The following UVSSA variants were observed in gnomAD, a reference collection of about 807,000 sequenced individuals.
The protein encoded by UVSSA is UV-stimulated scaffold protein A.
A neutral mutation model predicts 73.9 loss-of-function variants in UVSSA; 72 were observed. The observed-to-expected ratio is 0.97, with a 90% confidence interval of 0.81 to 1.19. The LOEUF (loss-of-function observed/expected upper bound fraction) is 1.19, where lower values mean the gene tolerates loss of function less well. UVSSA is among the 50% of genes most tolerant of loss of function. The pLI, the probability that UVSSA is intolerant of heterozygous loss-of-function variation, is 0.00. For synonymous variants in UVSSA, 454 were observed against 391.3 expected (o/e 1.16, Z -1.89); for missense variants, 1,150 against 965.0 (o/e 1.19, Z -2.54).
At chr4:1,378,999 A>G (rs1455588659) in intron 10 of UVSSA, among the ~76,000 whole-genome samples, 2 of 151,486 alleles carry the variant, frequency 1.3e-5, no homozygotes, top group African/African-American at 4.8e-5. Context: ...GCCCCAGGGC[A>G]GGGCCTACTG....
In UVSSA at chr4:1,393,846, C is replaced by G. The variant is rs1720462530; in HGVS notation, c.*7885C>G. On this transcript the variant is annotated 3_prime_UTR_variant, in exon 14 of 14. Coordinates refer to the UVSSA transcript ENST00000511216. ...CCACGAGTTTATTGTTGTTCTGTTG[C>G]TGTTACCTTTTGTTTAGTGTGTGTT... The G allele has an allele frequency of 2.5e-5, 4 of 160,014 alleles. No homozygotes were observed. The South Asian group carries it at 6.7e-4, about 27-fold the overall frequency. 9.9% of individuals were successfully genotyped at this position (160,014 alleles called of 1,614,324 possible). A position where few individuals can be genotyped will look rare whatever the true frequency, so the allele number is the denominator to read the frequency against.
At chr4:1,390,311 T>G (rs1272849040), downstream of UVSSA, 1 of 152,220 alleles carries the variant, frequency 6.6e-6, no homozygotes, top group South Asian at 2.1e-4. Flanking sequence ...CTTTTCTTAT[T>G]TTTGAGAGAC....
At chr4:1,364,523 G>A (rs925464236) in intron 7 of UVSSA, among the ~76,000 whole-genome samples, 7 of 152,226 alleles carry the variant, frequency 4.6e-5, no homozygotes, top group African/African-American at 1.2e-4. Flanking sequence ...AGCTGCGATC[G>A]CAGGCGCCTT....
upstream of UVSSA, among the ~76,000 whole-genome samples, chr4:1,346,746 C>G (rs2109037168): frequency 6.6e-6 from 1 of 152,232 alleles, no homozygotes; most frequent in East Asian, 1.9e-4. Context: ...GGCTGCGAGC[C>G]CGCGGGCGGG....
At chr4:1,377,001 A>C (rs1263149627) in intron 10 of UVSSA, among the ~76,000 whole-genome samples, 1 of 152,180 alleles carries the variant, frequency 6.6e-6, no homozygotes, top group Non-Finnish European at 1.5e-5. Context: ...TGCCGTCCCC[A>C]CAGCACCCAT....
intron 10 of UVSSA, among the ~76,000 whole-genome samples, chr4:1,379,241 C>T (rs1271151132): frequency 6.6e-6 from 1 of 152,234 alleles, no homozygotes; most frequent in Non-Finnish European, 1.5e-5. Flanking sequence ...TCCTGCTGGC[C>T]CCAACTGTGG....
chr4:1,370,311 G>A (rs1414085020), intron 8 of UVSSA, among the ~76,000 whole-genome samples: 1 of 152,182 alleles, frequency 6.6e-6, no homozygotes, highest in Non-Finnish European at 1.5e-5. Context: ...TGTGTCATGT[G>A]TATTGCCGGA....
chr4:1,385,882 G>T lies in UVSSA; in HGVS notation c.2051G>T (p.Arg684Met). 2 of 1,614,106 alleles carry T rather than the reference G, an allele frequency of 1.2e-6. No individual in the cohort carries two copies. The highest frequency in any genetic ancestry group is 2.2e-5 in the South Asian group (2 of 91,086). Reference sequence around the variant, plus strand: ...TTTCCCCACAGGGCAGCTGTGCGGAGGGTAGTGGCAGCCATGAACCGGATG... The same window carrying T: ...TTTCCCCACAGGGCAGCTGTGCGGATGGTAGTGGCAGCCATGAACCGGATG... ...RKVFAKAAVRRVVAAMNRMDQ... is the reference protein window; with the variant it reads ...RKVFAKAAVRMVVAAMNRMDQ... The change falls in exon 14 of 14, where the codon AGG becomes ATG. Residue 684 changes from arginine to methionine, a missense_variant. Transcript: ENST00000389851.
intron 13 of UVSSA, chr4:1,384,455 TGGGCCTGTGTGACTGGTGAGGACTTGGCA>T (rs1174460295): frequency 6.4e-6 from 1 of 156,984 alleles, no homozygotes; most frequent in East Asian, 1.9e-4. Context: ...CAGCCCAGCA[TGGGCCTGTGTGACTGGTGAGGACTTGGCA>T]GGGCCAGAGT....
intron 7 of UVSSA, among the ~76,000 whole-genome samples, chr4:1,355,852 C>G (rs1009322810): frequency 1.3e-5 from 2 of 152,082 alleles, no homozygotes; most frequent in Non-Finnish European, 2.9e-5. Flanking sequence ...GAGCAGAGAC[C>G]GTCGCATTGG....
Position 1,376,042 on chromosome 4 carries a change from G to C in UVSSA, c.1442G>C (p.Arg481Thr). The change falls in exon 10 of 14, where the codon AGA (arginine) becomes ACA (threonine). Residue 481 changes from arginine (R) to threonine (T), a missense_variant. Transcript: ENST00000389851. ...LPPPSSASPS[R>T]ALPEPQEAQK... ...CCACTCTGCTCCTGTAGCCCCTCCAGAGCGTTGCCAGAGCCACAGGAGGCC... is the reference window on the plus strand; with the variant it reads ...CCACTCTGCTCCTGTAGCCCCTCCACAGCGTTGCCAGAGCCACAGGAGGCC... 1.9e-6 allele frequency: 3 copies of C among 1,596,384 alleles called. No individual in the cohort carries two copies. The highest frequency in any genetic ancestry group is 2.6e-6 in the Non-Finnish European group (3 of 1,172,614).
In UVSSA at chr4:1,380,064, G is replaced by A. The variant is rs374567722; in HGVS notation, c.1586G>A (p.Arg529His). 18 of 1,609,028 alleles carry A rather than the reference G, an allele frequency of 1.1e-5. No homozygotes were observed. Among genetic ancestry groups the A allele is most frequent in the Non-Finnish European group, 1.5e-5 (18 of 1,178,064 alleles). ...GKIVKSDSQHRFWKPSEVEEE... is the reference protein window; with the variant it reads ...GKIVKSDSQHHFWKPSEVEEE... ...GTCTGCAGGTCTGACTCCCAGCACC[G>A]CTTCTGGAAGCCCAGCGAGGTGGAG... Residue 529 changes from arginine to histidine, a missense_variant, in exon 11 of 14, where the codon CGC becomes CAC. Transcript: ENST00000389851.
At chr4:1,377,213 G>T (rs948063163) in intron 10 of UVSSA, among the ~76,000 whole-genome samples, 1 of 152,206 alleles carries the variant, frequency 6.6e-6, no homozygotes, top group Non-Finnish European at 1.5e-5. Context: ...GGCAGCCACT[G>T]CCTCTGTGTC....
Position 1,375,893 on chromosome 4 carries a change from C to T in UVSSA, c.1434-141C>T. 3 of 1,331,284 alleles carry T rather than the reference C, an allele frequency of 2.3e-6. No individual in the cohort carries two copies. The South Asian group carries it at 4.4e-5, about 19-fold the overall frequency. 82.5% of individuals were successfully genotyped at this position (1,331,284 alleles called of 1,614,324 possible). ...CAGGACCTCAGCGGTGGCCCTGAGGCCCAGGCGTCGTGTGGCAGAAGCCAT... is the reference window on the plus strand; with the variant it reads ...CAGGACCTCAGCGGTGGCCCTGAGGTCCAGGCGTCGTGTGGCAGAAGCCAT... On this transcript the variant is annotated intron_variant, in intron 9 of 13. Transcript: ENST00000389851.
rs62284735 is a variant in UVSSA, at chr4:1,379,840, G to A, written c.1569-207G>A. The stretch of plus-strand genomic sequence containing the variant: ...GTGGCATCAGAATTCAGACGCAGGC[G>A]GTCGTGCCCGTGGTCGCGCGGCTGG... On this transcript the variant is annotated intron_variant, in intron 10 of 13. Transcript: ENST00000389851. Among the ~76,000 whole-genome samples the A allele has an allele frequency of 1.2e-3, 17 of 14,220 alleles. 1 individual carries two copies. The highest frequency in any genetic ancestry group is 2.1e-3 in the African/African-American group (3 of 1,428). The allele number at this position is 14,220 out of a possible 152,430, so 9.3% of individuals were successfully genotyped here.
chr4:1,352,053 C>T lies in UVSSA; in HGVS notation c.550+218C>T, dbSNP rs557244836. On this transcript the variant is annotated intron_variant, in intron 4 of 13. Coordinates refer to ENST00000389851, the MANE Select transcript of UVSSA (RefSeq NM_020894.4). ...GCCCTCTGGTGGTCACATTCATCCA[C>T]GCCCGTTCGCTGCGCGGACCTCTGG... Among the ~76,000 whole-genome samples the T allele has an allele frequency of 4.6e-5, 7 of 152,388 alleles. No homozygotes were observed. The East Asian group carries it at 7.7e-4, about 17-fold the overall frequency.
Position 1,355,175 on chromosome 4 carries a change from C to T in UVSSA, c.1106C>T (p.Ala369Val), listed in dbSNP as rs780224765. 6.2e-7 allele frequency: 1 copy of T among 1,613,758 alleles called. No homozygotes were observed. Among genetic ancestry groups the T allele is most frequent in the East Asian group, 2.2e-5 (1 of 44,880 alleles). ...TTAAAGCGTGCCATTGACCTGAAGG[C>T]TGAATTGGAGCTCGTACTGAGAAAA... The part of the protein sequence containing the change: ...GCLKRAIDLK[A>V]ELELVLRKYK... The change falls in exon 7 of 14, where the codon GCT becomes GTT. Residue 369 changes from alanine (A) to valine (V), a missense_variant. Ala to Val is a moderately conservative substitution (Grantham distance 64). Transcript: ENST00000389851.
chr4:1,353,488 C>T (rs1003966412), intron 5 of UVSSA, 75 bp downstream of exon 5: 44 of 1,428,494 alleles, frequency 3.1e-5, no homozygotes, highest in African/African-American at 2.3e-4. Flanking sequence ...CACTGGCACC[C>T]GGCCCAGGAG....
intron 3 of UVSSA, among the ~76,000 whole-genome samples, 172 bp from the exon 4 acceptor site, chr4:1,351,543 G>A (rs560717503): frequency 1.2e-4 from 18 of 150,086 alleles, no homozygotes; most frequent in Non-Finnish European, 4.4e-5. Flanking sequence ...CCGCCACCTC[G>A]CCTGGCTAAT....
Sources: allele counts gnomAD v4.1 joint callset (sites outside exome capture counted in the v4.1 genomes callset), GRCh38; gene constraint gnomAD v4.1.1; transcripts MANE v1.5; gene names NCBI Gene and HGNC (gene_info 2026-07-23, HGNC 2026-07-21).